SIRT4: variants seen among roughly 807,000 people sequenced by gnomAD.
SIRT4 encodes the protein sirtuin 4.
Under a neutral mutation model 26.1 loss-of-function variants are expected in SIRT4, and 23 were observed. That is an observed-to-expected ratio of 0.88 (90% confidence interval 0.63 to 1.25). The LOEUF is 1.25. SIRT4 is among the 50% of genes most tolerant of loss of function. The pLI is 0.00. For missense variants in SIRT4, 361 were observed against 405.4 expected, an observed-to-expected ratio of 0.89 and a Z score of 0.94; for synonymous variants, 155 against 158.4, an observed-to-expected ratio of 0.98 and a Z score of 0.16.
At chr12:120,307,840 A>G (rs1447266320) in intron 2 of SIRT4, among the ~76,000 whole-genome samples, 1 of 152,194 alleles carries the variant, frequency 6.6e-6, no homozygotes, top group Non-Finnish European at 1.5e-5. Flanking sequence ...CCTGGGCAAC[A>G]AGAACGAAAC....
chr12:120,311,649 C>T (rs1378441627), intron 2 of SIRT4, among the ~76,000 whole-genome samples: 2 of 134,630 alleles, frequency 1.5e-5, no homozygotes, highest in Non-Finnish European at 3.1e-5. Context: ...GCAGGAGAAT[C>T]GCTTGAGACC....
the SIRT4 span, chr12:120,293,349 CA>C: frequency 1.3e-5 from 2 of 152,174 alleles, no homozygotes; most frequent in Non-Finnish European, 2.9e-5. Flanking sequence ...GAAAATTATA[CA>C]ATCATAGAAA....
chr12:120,311,521 C>A (rs1262396164), intron 2 of SIRT4, among the ~76,000 whole-genome samples: 1 of 151,130 alleles, frequency 6.6e-6, no homozygotes, highest in Admixed American at 6.6e-5. Context: ...CACCTGAGGT[C>A]GGGAGTTTGA....
chr12:120,305,995 G>A (rs1470408989), intron 2 of SIRT4, among the ~76,000 whole-genome samples: 1 of 149,958 alleles, frequency 6.7e-6, no homozygotes, highest in Non-Finnish European at 1.5e-5. Context: ...CTGGGTGACA[G>A]AGCGAGACTC....
chr12:120,301,514 T>G (rs1592894273), upstream of SIRT4, among the ~76,000 whole-genome samples: 9 of 152,248 alleles, frequency 5.9e-5, no homozygotes, highest in South Asian at 1.9e-3. Flanking sequence ...ATGAGTCAAA[T>G]CTAGGCCGGG....
chr12:120,303,084 T>C (rs1872605669), intron 1 of SIRT4, among the ~76,000 whole-genome samples: 2 of 152,076 alleles, frequency 1.3e-5, no homozygotes, highest in South Asian at 4.1e-4. Flanking sequence ...TGTGTCCAAG[T>C]AGCAGAGCTT....
At chr12:120,294,340 G>C in the SIRT4 span, among the ~76,000 whole-genome samples, 1 of 151,042 alleles carries the variant, frequency 6.6e-6, no homozygotes, top group Non-Finnish European at 1.5e-5. Context: ...TTTTGCTTTT[G>C]TTGCCCAGGC....
At chr12:120,310,780 G>A (rs1313817621) in intron 2 of SIRT4, among the ~76,000 whole-genome samples, 1 of 150,920 alleles carries the variant, frequency 6.6e-6, no homozygotes, top group African/African-American at 2.4e-5. Context: ...TCGTTGCCCA[G>A]GCTGGAGTGC....
In SIRT4 at chr12:120,309,648, G is replaced by A. The variant is rs148009926; in HGVS notation, c.498-2808G>A. 6.6e-4 allele frequency among the ~76,000 whole-genome samples: 99 copies of A among 149,504 alleles called. No individual in the cohort carries two copies. In the East Asian group the frequency reaches 0.018, roughly 28 times the overall value. On this transcript the variant is annotated intron_variant, in intron 2 of 3. Coordinates refer to ENST00000202967, the MANE Select transcript of SIRT4 (RefSeq NM_012240.3). ...GGCTGGTCTCAAACTCCTGACCTCA[G>A]GTGATCTGCCTGCCTTGGCCTCCCA...
At chr12:120,306,480 C>CA (rs34919389) in intron 2 of SIRT4, among the ~76,000 whole-genome samples, 27,792 of 137,630 alleles carry the variant, frequency 0.2, 2,742 homozygotes, top group Middle Eastern at 0.23. Context: ...AAAACTCCGT[C>CA]AAAAAAAAAA....
chr12:120,292,559 G>GC, the SIRT4 span, among the ~76,000 whole-genome samples: 1 of 152,202 alleles, frequency 6.6e-6, no homozygotes, highest in African/African-American at 2.4e-5. Flanking sequence ...CCGAGATCGC[G>GC]CCAGTGCACT....
the SIRT4 span, among the ~76,000 whole-genome samples, chr12:120,296,312 G>T: frequency 6.6e-6 from 1 of 151,386 alleles, no homozygotes; most frequent in Non-Finnish European, 1.5e-5. Flanking sequence ...CCGCCTTCCG[G>T]GTTCACGCCA....
chr12:120,292,699 G>C, the SIRT4 span, among the ~76,000 whole-genome samples: 1 of 149,868 alleles, frequency 6.7e-6, no homozygotes, highest in African/African-American at 2.5e-5. Flanking sequence ...CACAAAATCA[G>C]CAACTCCAAC....
the SIRT4 span, among the ~76,000 whole-genome samples, chr12:120,294,362 G>A: frequency 6.6e-6 from 1 of 151,452 alleles, no homozygotes; most frequent in African/African-American, 2.4e-5. Flanking sequence ...GGAGCGCAAT[G>A]GCGAGATCAA....
At chr12:120,298,987 G>A (rs898331099), upstream of SIRT4, among the ~76,000 whole-genome samples, 4 of 150,488 alleles carry the variant, frequency 2.7e-5, no homozygotes, top group East Asian at 7.8e-4. Flanking sequence ...AGTACTTTGG[G>A]AGGCTGAGGC....
upstream of SIRT4, among the ~76,000 whole-genome samples, chr12:120,299,938 G>C (rs1434953505): frequency 6.6e-6 from 1 of 151,992 alleles, no homozygotes; most frequent in African/African-American, 2.4e-5. Context: ...CATCTTTCTG[G>C]AGAGCTGTAT....
the SIRT4 span, chr12:120,293,143 G>C: frequency 1.2e-4 from 19 of 152,176 alleles, no homozygotes; most frequent in South Asian, 2.1e-4. Context: ...TATATTGCAA[G>C]TCGTCACGGC....
At chr12:120,311,048 T>TAAAAAA (rs761606021) in intron 2 of SIRT4, among the ~76,000 whole-genome samples, 4 of 69,304 alleles carry the variant, frequency 5.8e-5, no homozygotes, top group African/African-American at 5.5e-5. Context: ...CCCTGTCTCT[T>TAAAAAA]AAAAAAAAAA....
chr12:120,293,035 A>G, the SIRT4 span: 11 of 149,956 alleles, frequency 7.3e-5, no homozygotes, highest in Admixed American at 4.0e-4. Flanking sequence ...TCAACCTCCC[A>G]AAACCAAGCA....
Sources: allele counts gnomAD v4.1 joint callset (sites outside exome capture counted in the v4.1 genomes callset), GRCh38; gene constraint gnomAD v4.1.1; transcripts MANE v1.5; gene names NCBI Gene and HGNC (gene_info 2026-07-23, HGNC 2026-07-21).